Variants in ARHGAP42 observed in about 807,000 individuals in gnomAD.
ARHGAP42 encodes the protein Rho GTPase activating protein 42.
ARHGAP42 carries 63 observed loss-of-function variants against 125.0 expected under a neutral mutation model. The observed-to-expected ratio is 0.50, with a 90% CI of 0.41 to 0.62. The LOEUF (loss-of-function observed/expected upper bound fraction) is 0.62, where lower values mean the gene tolerates loss of function less well. Ranked by LOEUF, ARHGAP42 falls within the 20% of genes least tolerant of loss-of-function variation. The pLI is 0.00. For synonymous variants in ARHGAP42, 339 were observed against 351.0 expected (o/e 0.97, Z 0.38); for missense variants, 766 against 1,024.2 (o/e 0.75, Z 3.44).
intron 2 of ARHGAP42, among the ~76,000 whole-genome samples, chr11:100,781,845 A>G (rs979723658): frequency 9.2e-5 from 14 of 152,142 alleles, no homozygotes; most frequent in Non-Finnish European, 1.8e-4. Context: ...ATATGATCCC[A>G]CAGATATTGA....
At chr11:100,907,442 T>C (rs573546577) in intron 4 of ARHGAP42, among the ~76,000 whole-genome samples, 3 of 152,300 alleles carry the variant, frequency 2.0e-5, no homozygotes, top group Non-Finnish European at 2.9e-5. Context: ...GCAAGAGATA[T>C]GGTGAATTAT....
chr11:100,851,929 G>A (rs1865213105), intron 3 of ARHGAP42, among the ~76,000 whole-genome samples: 1 of 152,110 alleles, frequency 6.6e-6, no homozygotes, highest in Non-Finnish European at 1.5e-5. Context: ...CTCCCACCTT[G>A]GCTGATTTCA....
intron 2 of ARHGAP42, among the ~76,000 whole-genome samples, chr11:100,794,237 C>T (rs1282392580): frequency 2.0e-5 from 3 of 151,862 alleles, no homozygotes; most frequent in Admixed American, 6.6e-5. Flanking sequence ...CCATAATTGC[C>T]ATTTGGACCT....
chr11:100,950,527 A>C (rs1352767149), intron 12 of ARHGAP42, among the ~76,000 whole-genome samples: 1 of 151,652 alleles, frequency 6.6e-6, no homozygotes, highest in Non-Finnish European at 1.5e-5. Flanking sequence ...GTCATTACAC[A>C]TGGTATATGT....
At chr11:100,751,553 T>G (rs2120353285) in intron 1 of ARHGAP42, among the ~76,000 whole-genome samples, 1 of 151,864 alleles carries the variant, frequency 6.6e-6, no homozygotes, top group Middle Eastern at 3.4e-3. Flanking sequence ...AGAAACCTGT[T>G]GTAGATAAAG....
chr11:100,806,161 A>G (rs1863985089), intron 3 of ARHGAP42, among the ~76,000 whole-genome samples: 1 of 152,228 alleles, frequency 6.6e-6, no homozygotes, highest in African/African-American at 2.4e-5. Flanking sequence ...TTTGACATGT[A>G]AGATCTAAAA....
rs185330344 is a variant in ARHGAP42, at chr11:100,921,999, G to A, written c.597+395G>A. Among the ~76,000 whole-genome samples, 17 of 146,192 alleles carry A rather than the reference G, an allele frequency of 1.2e-4. No individual in the cohort carries two copies. In the East Asian group the frequency reaches 3.2e-3, roughly 28 times the overall value. Reference sequence around the variant, plus strand: ...GGAGGGGGGTGCAGAGGTGGTGGGGGACAGGTGAGCTGAGAGGGCATAAGG... The same window carrying A: ...GGAGGGGGGTGCAGAGGTGGTGGGGAACAGGTGAGCTGAGAGGGCATAAGG... On this transcript the variant is annotated intron_variant, in intron 6 of 23. Coordinates refer to ENST00000298815, the MANE Select transcript of ARHGAP42 (RefSeq NM_152432.4).
intron 5 of ARHGAP42, among the ~76,000 whole-genome samples, chr11:100,917,367 T>C (rs2135237772): frequency 6.6e-6 from 1 of 152,216 alleles, no homozygotes; most frequent in East Asian, 1.9e-4. Flanking sequence ...ACATTGTTTA[T>C]AACATCTGGA....
intron 4 of ARHGAP42, among the ~76,000 whole-genome samples, chr11:100,886,442 G>A (rs554444481): frequency 6.6e-6 from 1 of 151,974 alleles, no homozygotes. Context: ...CAAACTGTAG[G>A]GTTCTCTGAT....
intron 3 of ARHGAP42, among the ~76,000 whole-genome samples, chr11:100,856,661 C>A (rs1179857144): frequency 6.6e-6 from 1 of 152,032 alleles, no homozygotes; most frequent in Non-Finnish European, 1.5e-5. Flanking sequence ...TACTGCTAGG[C>A]CTCTGGATAA....
At chr11:100,887,142 G>A (rs945440125) in intron 4 of ARHGAP42, among the ~76,000 whole-genome samples, 2 of 152,122 alleles carry the variant, frequency 1.3e-5, no homozygotes, top group African/African-American at 2.4e-5. Flanking sequence ...ATTAAATTAG[G>A]TTTGGACTTT....
intron 4 of ARHGAP42, among the ~76,000 whole-genome samples, chr11:100,908,432 T>C (rs1866813945): frequency 1.3e-5 from 2 of 152,192 alleles, no homozygotes; most frequent in East Asian, 1.9e-4. Context: ...TGTCTATTAC[T>C]CCACTCTGTA....
chr11:100,699,252 C>G (rs527487640), intron 1 of ARHGAP42, among the ~76,000 whole-genome samples: 119 of 151,844 alleles, frequency 7.8e-4, no homozygotes, highest in African/African-American at 2.8e-3. Context: ...AGCTTGTTCT[C>G]TTTGTATTCC....
chr11:100,771,301 T>C (rs1423162508), intron 2 of ARHGAP42, among the ~76,000 whole-genome samples: 1 of 152,210 alleles, frequency 6.6e-6, no homozygotes, highest in East Asian at 1.9e-4. Flanking sequence ...GGTCGTGTTA[T>C]ATGAACTCTG....
chr11:100,944,493 G>T (rs2135276307), intron 10 of ARHGAP42, among the ~76,000 whole-genome samples: 1 of 152,122 alleles, frequency 6.6e-6, no homozygotes, highest in South Asian at 2.1e-4. Flanking sequence ...AAATACACTA[G>T]CTTATTGTGT....
chr11:100,846,807 G>T (rs1376644125), intron 3 of ARHGAP42, among the ~76,000 whole-genome samples: 1 of 152,070 alleles, frequency 6.6e-6, no homozygotes, highest in Non-Finnish European at 1.5e-5. Context: ...GGTAAAACTT[G>T]GCTGAGGTTT....
At chr11:100,758,785 T>C (rs1355274310) in intron 1 of ARHGAP42, among the ~76,000 whole-genome samples, 1 of 152,174 alleles carries the variant, frequency 6.6e-6, no homozygotes, top group Non-Finnish European at 1.5e-5. Context: ...TTATTCCCAT[T>C]TTATAGATAG....
chr11:100,719,500 C>G (rs867183039), intron 1 of ARHGAP42, among the ~76,000 whole-genome samples: 1 of 152,196 alleles, frequency 6.6e-6, no homozygotes, highest in African/African-American at 2.4e-5. Flanking sequence ...CTGTGGGCTA[C>G]TTATTAGCAT....
At chr11:100,921,056 CT>C (rs1867228195) in intron 5 of ARHGAP42, among the ~76,000 whole-genome samples, 3 of 151,282 alleles carry the variant, frequency 2.0e-5, no homozygotes, top group African/African-American at 7.3e-5. Context: ...AAAACGGCCC[CT>C]GCTTTTTTTA....
Sources: gnomAD v4.1 joint callset for allele counts (sites outside exome capture counted in the v4.1 genomes callset) on GRCh38, gnomAD v4.1.1 for gene constraint, MANE v1.5 for transcripts, NCBI Gene and HGNC (gene_info 2026-07-23, HGNC 2026-07-21) for gene names.